The following CUX1 variants were observed in gnomAD, a reference collection of about 807,000 sequenced individuals.
The protein encoded by CUX1 is protein CASP.
In CUX1, 31 loss-of-function variants were observed where a neutral mutation model predicts 158.8. The ratio of observed to expected loss-of-function variants is 0.20; its 90% CI spans 0.15 to 0.26. CUX1 has a LOEUF of 0.26. Among genes scored for constraint, CUX1 ranks in the 10% least tolerant of loss-of-function variants. CUX1 has a pLI of 1.00. For synonymous variants in CUX1, 879 were observed against 862.1 expected (o/e 1.02, Z -0.34); for missense variants, 1,589 against 2,014.6 (o/e 0.79, Z 4.04).
chr7:101,845,531 G>A (rs1344918346), intron 1 of CUX1, among the ~76,000 whole-genome samples: 1 of 152,176 alleles, frequency 6.6e-6, no homozygotes, highest in Non-Finnish European at 1.5e-5. Context: ...CCTGTGGTGT[G>A]GGGATGAAAG....
chr7:102,084,427 C>CTT lies in CUX1; in HGVS notation c.269-12924_269-12923dup, dbSNP rs11353240. On this transcript the variant is annotated intron_variant, in intron 4 of 23. Coordinates refer to ENST00000292535, the MANE Select transcript of CUX1 (RefSeq NM_181552.4). Reference sequence around the variant, plus strand: ...CCTTGAAGACAATATATACTTTTTTCTTTTTTTTTTTTTTGAGACAGAGTC... The same window carrying CTT: ...CCTTGAAGACAATATATACTTTTTTCTTTTTTTTTTTTTTTTGAGACAGAGTC... Among the ~76,000 whole-genome samples, 24 of 116,284 alleles carry CTT rather than the reference C, an allele frequency of 2.1e-4. 1 individual carries two copies. Among genetic ancestry groups the CTT allele is most frequent in the African/African-American group, 6.1e-4 (22 of 35,876 alleles). 76.3% of individuals were successfully genotyped at this position (116,284 alleles called of 152,430 possible).
At chr7:102,110,264 A>G (rs542242348) in intron 6 of CUX1, among the ~76,000 whole-genome samples, 2 of 152,190 alleles carry the variant, frequency 1.3e-5, no homozygotes, top group East Asian at 1.9e-4. Flanking sequence ...ATATTTTGCT[A>G]TACTATGTGA....
upstream of CUX1, chr7:101,817,193 G>T: frequency 1.8e-5 from 18 of 984,530 alleles, no homozygotes; most frequent in Non-Finnish European, 2.2e-5. This position sits in a 1 kb window ranked among gnomAD's most constrained non-coding sequence, Gnocchi z 4.1. Context: ...TCCCCCGGGT[G>T]CCCGGGCAGT....
chr7:101,885,186 AGCTTCAGG>A (rs1246481807), intron 1 of CUX1, among the ~76,000 whole-genome samples: 2 of 152,224 alleles, frequency 1.3e-5, no homozygotes, highest in Non-Finnish European at 2.9e-5. Context: ...AGTGTTTGAT[AGCTTCAGG>A]GCAGGCGTGC....
In CUX1 at chr7:102,137,267, C is replaced by T. The variant is rs1239919461; in HGVS notation, c.675-21293C>T. 3.9e-5 allele frequency among the ~76,000 whole-genome samples: 6 copies of T among 152,200 alleles called. No individual in the cohort carries two copies. The East Asian group carries it at 9.6e-4, about 24-fold the overall frequency. Reference sequence around the variant, plus strand: ...TAGATGCCATGGGATCAAAGCCCCGCAACTGTGTTAGATCCTTCTAGTGGG... The same window carrying T: ...TAGATGCCATGGGATCAAAGCCCCGTAACTGTGTTAGATCCTTCTAGTGGG... On this transcript the variant is annotated intron_variant, in intron 8 of 23. Coordinates refer to ENST00000292535, the MANE Select transcript of CUX1 (RefSeq NM_181552.4).
intron 20 of CUX1, among the ~76,000 whole-genome samples, chr7:102,222,811 C>CTTTTTTTTTTTTTTTTTTTTTTTTTTTT (rs71123016): frequency 3.9e-5 from 1 of 25,526 alleles, no homozygotes; most frequent in Non-Finnish European, 6.3e-5. Flanking sequence ...GGCACCGTAT[C>CTTTTTTTTTTTTTTTTTTTTTTTTTTTT]TTTTTTTTTT....
At chr7:102,119,675 C>G (rs1363178429) in intron 8 of CUX1, among the ~76,000 whole-genome samples, 1 of 152,194 alleles carries the variant, frequency 6.6e-6, no homozygotes, top group Admixed American at 6.5e-5. Flanking sequence ...ATAACCATTT[C>G]TGGGTTAAAT....
At chr7:102,215,109 TC>T (rs1271362737) in intron 20 of CUX1, among the ~76,000 whole-genome samples, 2 of 152,154 alleles carry the variant, frequency 1.3e-5, no homozygotes, top group African/African-American at 4.8e-5. Context: ...TCAGGCCTTC[TC>T]ATTCCAGAGT....
intron 2 of CUX1, among the ~76,000 whole-genome samples, chr7:101,919,513 C>T (rs191630519): frequency 6.6e-6 from 1 of 152,292 alleles, no homozygotes; most frequent in African/African-American, 2.4e-5. Context: ...ATGGATGCAG[C>T]CCACGATCCC....
At chr7:102,192,551 CG>C (rs1794392067) in intron 12 of CUX1, among the ~76,000 whole-genome samples, 2 of 152,112 alleles carry the variant, frequency 1.3e-5, no homozygotes, top group South Asian at 4.1e-4. Flanking sequence ...TTCAGCTGGG[CG>C]CAGTGGCTCA....
intron 4 of CUX1, among the ~76,000 whole-genome samples, chr7:102,081,960 C>T (rs1554478935): frequency 1.4e-5 from 2 of 146,612 alleles, no homozygotes; most frequent in Admixed American, 1.4e-4. Flanking sequence ...AAAATGGACT[C>T]ATACAGCCAT....
rs148826759 is a variant in CUX1 at position 102,046,043 on chromosome 7, A to G, written c.189+17898A>G. On this transcript the variant is annotated intron_variant, in intron 3 of 23. Transcript: ENST00000292535. ...TGAGCTGAACTGAGTTGAAATGCAC[A>G]AGAGGAAGCTCTAAGAACCCCAGAA... Among the ~76,000 whole-genome samples the G allele has an allele frequency of 5.0e-3, 768 of 152,334 alleles. 7 individuals are homozygous for G. Among genetic ancestry groups the G allele is most frequent in the African/African-American group, 0.017 (714 of 41,558 alleles).
intron 2 of CUX1, among the ~76,000 whole-genome samples, chr7:102,005,634 CCT>C (rs757107175): frequency 1.3e-5 from 2 of 152,232 alleles, no homozygotes; most frequent in Non-Finnish European, 2.9e-5. Flanking sequence ...CTGCACCTGG[CCT>C]CTTTCTTCTT....
At chr7:101,953,725 C>T (rs1476699960) in intron 2 of CUX1, among the ~76,000 whole-genome samples, 1 of 152,058 alleles carries the variant, frequency 6.6e-6, no homozygotes, top group South Asian at 2.1e-4. Flanking sequence ...TGCCAGGACA[C>T]AGTCGGGCCT....
intron 4 of CUX1, among the ~76,000 whole-genome samples, chr7:102,079,279 A>G (rs1827100964): frequency 6.6e-6 from 1 of 152,108 alleles, no homozygotes; most frequent in African/African-American, 2.4e-5. Flanking sequence ...CTCTACTAAA[A>G]ATAGAAAAAT....
Position 102,252,839 on chromosome 7 carries a change from T to C in CUX1, c.*3797T>C. The C allele has an allele frequency of 1.0e-6, 1 of 985,484 alleles. No homozygotes were observed. The highest frequency in any genetic ancestry group is 1.2e-6 in the Non-Finnish European group (1 of 829,948). 61.0% of individuals were successfully genotyped at this position (985,484 alleles called of 1,614,324 possible). A position where few individuals can be genotyped will look rare whatever the true frequency, so the allele number is the denominator to read the frequency against. On this transcript the variant is annotated 3_prime_UTR_variant, in exon 24 of 24. Transcript: ENST00000292535. Reference sequence around the variant, plus strand: ...TCTTTAGAAAGGGTTATCAGAGCCATGGAGCTTAGCTCAATTGGATTCTTC... The same window carrying C: ...TCTTTAGAAAGGGTTATCAGAGCCACGGAGCTTAGCTCAATTGGATTCTTC...
At chr7:102,205,257 C>A (rs1381923223) in intron 20 of CUX1, 87 bp downstream of exon 20, 3 of 974,186 alleles carry the variant, frequency 3.1e-6, no homozygotes. Context: ...CGGCGAGACT[C>A]CGAGGGACCG....
chr7:102,010,410 A>C (rs1319005656), intron 2 of CUX1, among the ~76,000 whole-genome samples: 1 of 151,838 alleles, frequency 6.6e-6, no homozygotes, highest in Non-Finnish European at 1.5e-5. Context: ...AAAAAAAAAA[A>C]AAAAAAACTG....
chr7:101,923,611 G>C (rs1805233505), intron 2 of CUX1, among the ~76,000 whole-genome samples: 1 of 152,204 alleles, frequency 6.6e-6, no homozygotes, highest in South Asian at 2.1e-4. Flanking sequence ...TTTTTGCCCT[G>C]ATGTATTTTT....
Sources: allele counts gnomAD v4.1 joint callset (sites outside exome capture counted in the v4.1 genomes callset), GRCh38; gene constraint gnomAD v4.1.1; non-coding constraint Gnocchi (gnomAD v3.1); transcripts MANE v1.5; gene names NCBI Gene and HGNC (gene_info 2026-07-23, HGNC 2026-07-21).